The following DTNA variants were observed in gnomAD, a reference collection of about 807,000 sequenced individuals.
DTNA encodes dystrophin-related protein 3.
A neutral mutation model predicts 100.7 loss-of-function variants in DTNA; 43 were observed. The observed-to-expected ratio is 0.43, with a 90% confidence interval of 0.33 to 0.55. DTNA has a LOEUF of 0.55. Among genes scored for constraint, DTNA ranks in the 20% least tolerant of loss-of-function variants. The pLI, the probability that DTNA is intolerant of heterozygous loss-of-function variation, is 0.04. For synonymous variants in DTNA, 349 were observed against 347.9 expected, an observed-to-expected ratio of 1.00 and a Z score of -0.04; for missense variants, 798 against 953.9, an observed-to-expected ratio of 0.84 and a Z score of 2.15.
intron 9 of DTNA, among the ~76,000 whole-genome samples, chr18:34,824,512 T>C (rs1195532160): frequency 2.0e-5 from 3 of 151,990 alleles, no homozygotes; most frequent in Non-Finnish European, 4.4e-5. Context: ...ACATGGCACA[T>C]GTATACCTAC....
intron 1 of DTNA, among the ~76,000 whole-genome samples, chr18:34,591,924 T>A: frequency 6.6e-6 from 1 of 152,212 alleles, no homozygotes; most frequent in Non-Finnish European, 1.5e-5. Flanking sequence ...CCCTCATGGT[T>A]TCTTAAGATG....
intron 1 of DTNA, among the ~76,000 whole-genome samples, chr18:34,593,739 C>T (rs1465151950): frequency 6.6e-6 from 1 of 152,198 alleles, no homozygotes; most frequent in South Asian, 2.1e-4. Context: ...CATTGCAAGT[C>T]TGTAACTTCA....
intron 1 of DTNA, among the ~76,000 whole-genome samples, chr18:34,671,205 G>A (rs1177642408): frequency 6.6e-6 from 1 of 152,164 alleles, no homozygotes; most frequent in African/African-American, 2.4e-5. Context: ...AGGCTCCGTG[G>A]GTGGGGCGTG....
rs1268272790 is a variant in DTNA, at chr18:34,496,166, A to C, written c.-2+2652A>C. Among the ~76,000 whole-genome samples, 7 of 148,856 alleles carry C rather than the reference A, an allele frequency of 4.7e-5. No individual in the cohort carries two copies. The Admixed American group carries it at 4.7e-4, about 10-fold the overall frequency. ...AACATGATCTGTGGATATGAGAAAA[A>C]ATATTTGGCTCTTCAGTGGTTAACC... On this transcript the variant is annotated intron_variant, in intron 1 of 19. Coordinates refer to the DTNA transcript ENST00000283365.
intron 3 of DTNA, among the ~76,000 whole-genome samples, chr18:34,789,162 A>G (rs2094612608): frequency 6.6e-6 from 1 of 152,192 alleles, no homozygotes; most frequent in African/African-American, 2.4e-5. Context: ...CCACTATGCC[A>G]CCACTGGAAA....
chr18:34,737,541 G>A (rs1236549956), intron 1 of DTNA, among the ~76,000 whole-genome samples: 1 of 152,106 alleles, frequency 6.6e-6, no homozygotes, highest in Non-Finnish European at 1.5e-5. Flanking sequence ...ACAACCAAGG[G>A]ATGCTTAGAG....
intron 1 of DTNA, among the ~76,000 whole-genome samples, chr18:34,671,252 G>A (rs2076717517): frequency 6.6e-6 from 1 of 152,192 alleles, no homozygotes; most frequent in Admixed American, 6.5e-5. Context: ...TAATCTCCTG[G>A]TGTGCCATTT....
intron 1 of DTNA, among the ~76,000 whole-genome samples, chr18:34,595,560 C>T (rs1233347594): frequency 6.6e-6 from 1 of 152,122 alleles, no homozygotes; most frequent in Non-Finnish European, 1.5e-5. Flanking sequence ...TTCTTTTGAA[C>T]ATCCTAAGTG....
chr18:34,675,689 A>G (rs1005659866), intron 1 of DTNA, among the ~76,000 whole-genome samples: 3 of 152,230 alleles, frequency 2.0e-5, no homozygotes, highest in Non-Finnish European at 4.4e-5. Context: ...ATCATCATCT[A>G]GAAGCTTTAA....
At chr18:34,784,297 A>G (rs542916751) in intron 3 of DTNA, among the ~76,000 whole-genome samples, 70 of 152,350 alleles carry the variant, frequency 4.6e-4, no homozygotes, top group Non-Finnish European at 7.8e-4. Flanking sequence ...TGAAAAATTA[A>G]GAGTGTTATA....
At chr18:34,518,209 A>G (rs1486514612) in intron 1 of DTNA, among the ~76,000 whole-genome samples, 1 of 152,122 alleles carries the variant, frequency 6.6e-6, no homozygotes, top group African/African-American at 2.4e-5. Context: ...TCATGTGCTT[A>G]TCTGCCATCC....
chr18:34,810,653 A>G (rs749601228), intron 5 of DTNA, among the ~76,000 whole-genome samples: 4 of 152,186 alleles, frequency 2.6e-5, no homozygotes, highest in Non-Finnish European at 5.9e-5. Context: ...TATAGTTAAC[A>G]AAATTTTATT....
chr18:34,844,179 T>C (rs1255197698), intron 13 of DTNA, among the ~76,000 whole-genome samples: 2 of 152,064 alleles, frequency 1.3e-5, no homozygotes, highest in African/African-American at 4.8e-5. Flanking sequence ...AACTGTAACA[T>C]AGGGGGTTGT....
chr18:34,643,735 T>C (rs1257623884), intron 1 of DTNA, among the ~76,000 whole-genome samples: 1 of 152,210 alleles, frequency 6.6e-6, no homozygotes, highest in East Asian at 1.9e-4. Context: ...AAGCTGAGAT[T>C]ATGTTTTCTG....
At chr18:34,826,652 T>G (rs1355555688) in intron 9 of DTNA, among the ~76,000 whole-genome samples, 1 of 152,180 alleles carries the variant, frequency 6.6e-6, no homozygotes, top group Non-Finnish European at 1.5e-5. Flanking sequence ...AACTCAAATA[T>G]AGAATTATAG....
chr18:34,559,635 G>A (rs954436182), intron 1 of DTNA, among the ~76,000 whole-genome samples: 1 of 152,176 alleles, frequency 6.6e-6, no homozygotes, highest in Admixed American at 6.5e-5. Context: ...ATATAATGAA[G>A]AGCTTTAAAT....
chr18:34,873,894 G>C (rs2096789623), intron 17 of DTNA, among the ~76,000 whole-genome samples: 1 of 152,102 alleles, frequency 6.6e-6, no homozygotes, highest in South Asian at 2.1e-4. Context: ...TCACAACCGG[G>C]CAAAGTTCTC....
At chr18:34,620,681 G>T (rs1237965331) in intron 1 of DTNA, among the ~76,000 whole-genome samples, 1 of 152,132 alleles carries the variant, frequency 6.6e-6, no homozygotes, top group South Asian at 2.1e-4. Flanking sequence ...GAAGGAAGAA[G>T]AGAGAGAGCA....
chr18:34,763,394 T>C (rs1168849408), intron 2 of DTNA, among the ~76,000 whole-genome samples: 1 of 152,142 alleles, frequency 6.6e-6, no homozygotes, highest in African/African-American at 2.4e-5. Context: ...TTTTAAAAGA[T>C]TCAGAAAAGT....
Sources: gnomAD v4.1 joint callset for allele counts (sites outside exome capture counted in the v4.1 genomes callset) on GRCh38, gnomAD v4.1.1 for gene constraint, MANE v1.5 for transcripts, NCBI Gene and HGNC (gene_info 2026-07-23, HGNC 2026-07-21) for gene names.